The following SREK1 variants were observed in gnomAD, a reference collection of about 807,000 sequenced individuals.
The protein encoded by SREK1 is splicing regulatory glutamine/lysine-rich protein 1.
SREK1 carries 13 observed loss-of-function variants against 66.5 expected under a neutral mutation model. That is an observed-to-expected ratio of 0.20 (90% CI 0.13 to 0.31). The LOEUF (loss-of-function observed/expected upper bound fraction) is 0.31. Among genes scored for constraint, SREK1 ranks in the 10% least tolerant of loss-of-function variants. SREK1 has a pLI of 1.00. For synonymous variants in SREK1, 265 were observed against 263.5 expected, an observed-to-expected ratio of 1.01 and a Z score of -0.05; for missense variants, 607 against 769.6, an observed-to-expected ratio of 0.79 and a Z score of 2.50.
intron 1 of SREK1, chr5:66,144,899 C>A: frequency 1.0e-6 from 1 of 1,004,012 alleles, no homozygotes; most frequent in East Asian, 1.0e-4. Flanking sequence ...GCAAACGTCT[C>A]AGAGCGTTTT....
chr5:66,164,028 CAAG>C (rs1248322613), intron 6 of SREK1, 106 bp downstream of exon 6: 2 of 1,353,110 alleles, frequency 1.5e-6, no homozygotes, highest in Admixed American at 4.7e-5. Flanking sequence ...ATTTTACAAA[CAAG>C]AAGACTGAAA....
At chr5:66,165,055 T>C in intron 7 of SREK1, 158 bp downstream of exon 7, 1 of 582,758 alleles carries the variant, frequency 1.7e-6, no homozygotes, top group Non-Finnish European at 2.8e-6. Context: ...TGTAATACTG[T>C]AGTTGAGAAT....
At chr5:66,169,616 C>T (rs1217913162) in intron 7 of SREK1, 1 of 152,150 alleles carries the variant, frequency 6.6e-6, no homozygotes, top group African/African-American at 2.4e-5. Context: ...TTTTTATTTT[C>T]CTGTCACAGT....
rs886689215 is a variant in SREK1 at position 66,144,351 on chromosome 5, G to T, written c.-26G>T. ...TGACGCGTCGTAGACGTTGGGGAGCGGGAAGGCAACGGCAGCGGGATCGGG... is the reference window on the plus strand; with the variant it reads ...TGACGCGTCGTAGACGTTGGGGAGCTGGAAGGCAACGGCAGCGGGATCGGG... On this transcript the variant is annotated 5_prime_UTR_variant, in exon 1 of 12. Coordinates refer to ENST00000334121, the MANE Select transcript of SREK1 (RefSeq NM_001077199.3). 1.4e-5 allele frequency: 21 copies of T among 1,513,370 alleles called. No homozygotes were observed. The highest frequency in any genetic ancestry group is 1.8e-5 in the Non-Finnish European group (20 of 1,119,380). 93.7% of individuals were successfully genotyped at this position (1,513,370 alleles called of 1,614,324 possible).
In SREK1 at chr5:66,179,032, GA is replaced by G; in HGVS notation, c.*168del. The G allele has an allele frequency of 1.5e-6, 1 of 660,624 alleles. No homozygotes were observed. Among genetic ancestry groups the G allele is most frequent in the Non-Finnish European group, 2.3e-6 (1 of 442,472 alleles). The allele number at this position is 660,624 out of a possible 1,614,324, so 40.9% of individuals were successfully genotyped here. A position where few individuals can be genotyped will look rare whatever the true frequency, so the allele number is the denominator to read the frequency against. ...TTGTGGCCATCTTGTTATTGAGTAA[GA>G]AAATAAAGCATGGACATCATGAAAA... On this transcript the variant is annotated 3_prime_UTR_variant, in exon 12 of 12. Transcript: ENST00000334121.
intron 9 of SREK1, among the ~76,000 whole-genome samples, chr5:66,172,708 T>G (rs1580672048): frequency 1.3e-5 from 2 of 152,224 alleles, no homozygotes; most frequent in African/African-American, 4.8e-5. Flanking sequence ...AATACATTCT[T>G]CAGTAACAAC....
At chr5:66,145,295 C>T (rs973880195) in intron 1 of SREK1, 86 of 416,488 alleles carry the variant, frequency 2.1e-4, no homozygotes, top group African/African-American at 1.7e-3. Flanking sequence ...GGTAAAATTT[C>T]CCTCGTACGA....
intron 1 of SREK1, among the ~76,000 whole-genome samples, chr5:66,151,620 G>A (rs1743816829): frequency 1.3e-5 from 2 of 152,130 alleles, no homozygotes; most frequent in African/African-American, 4.8e-5. Flanking sequence ...GTACCTGGGA[G>A]TCTAGAGCTC....
chr5:66,154,392 T>C (rs1300086490), intron 2 of SREK1, among the ~76,000 whole-genome samples: 1 of 152,228 alleles, frequency 6.6e-6, no homozygotes, highest in Non-Finnish European at 1.5e-5. Flanking sequence ...TTCAGAGCAC[T>C]GACTAGCATG....
intron 1 of SREK1, among the ~76,000 whole-genome samples, chr5:66,151,613 C>T (rs989927767): frequency 7.9e-5 from 12 of 152,074 alleles, no homozygotes; most frequent in Admixed American, 5.9e-4. Context: ...GGCACTTGTA[C>T]CTGGGAGTCT....
At chr5:66,146,617 A>G (rs954243900) in intron 1 of SREK1, among the ~76,000 whole-genome samples, 2 of 151,880 alleles carry the variant, frequency 1.3e-5, no homozygotes, top group Non-Finnish European at 2.9e-5. Flanking sequence ...TCCCTCATTC[A>G]TGTTTTGCAG....
intron 1 of SREK1, among the ~76,000 whole-genome samples, chr5:66,152,891 T>TA (rs1743963032): frequency 6.6e-6 from 1 of 152,204 alleles, no homozygotes; most frequent in Non-Finnish European, 1.5e-5. Context: ...GTAGGACCAG[T>TA]TAGAGTCTTT....
chr5:66,181,229 CTT>C lies in SREK1; in HGVS notation c.*2369_*2370del, dbSNP rs1042364979. 6.6e-6 allele frequency: 1 copy of C among 151,316 alleles called. No individual in the cohort carries two copies. Among genetic ancestry groups the C allele is most frequent in the Admixed American group, 6.6e-5 (1 of 15,174 alleles). 9.4% of individuals were successfully genotyped at this position (151,316 alleles called of 1,614,324 possible). ...AAATCAGATTGTTATTAGGGTTTGA[CTT>C]TTTTTTTACATGGGCTTATGGAAGC... On this transcript the variant is annotated 3_prime_UTR_variant, in exon 12 of 12. Coordinates refer to ENST00000334121, the MANE Select transcript of SREK1 (RefSeq NM_001077199.3).
intron 2 of SREK1, 46 bp downstream of exon 2, chr5:66,153,642 C>T: frequency 1.2e-6 from 2 of 1,612,158 alleles, no homozygotes; most frequent in Non-Finnish European, 1.7e-6. Flanking sequence ...TCTGTCCTGT[C>T]TGTTATTGCC....
chr5:66,162,672 CTTTTT>C (rs1580649207), intron 5 of SREK1, 80 bp downstream of exon 5: 1 of 1,365,784 alleles, frequency 7.3e-7, no homozygotes, highest in East Asian at 2.4e-5. Context: ...CTTTTTTTTT[CTTTTT>C]AATAGTAATT....
Position 66,164,816 on chromosome 5 carries a change from G to T in SREK1, c.920G>T (p.Arg307Leu). ...AAGAGCAATGAAAGAAAAGGCGGTC[G>T]ATCTCGTTCCCATACTCGCTCAAAA... ...SGKSNERKGG[R>L]SRSHTRSKSR... The change falls in exon 7 of 12, where the codon CGA (arginine) becomes CTA (leucine). Residue 307 changes from arginine to leucine, a missense_variant. Arg to Leu is a moderately radical substitution (Grantham distance 102). This residue lies in a region of SREK1 where 112 missense variants were observed against 168.6 expected (regional missense o/e 0.66). Transcript: ENST00000334121. 6.2e-7 allele frequency: 1 copy of T among 1,614,014 alleles called. No individual in the cohort carries two copies. The highest frequency in any genetic ancestry group is 8.5e-7 in the Non-Finnish European group (1 of 1,179,926).
chr5:66,151,667 G>A (rs902833191), intron 1 of SREK1, among the ~76,000 whole-genome samples: 1 of 152,082 alleles, frequency 6.6e-6, no homozygotes, highest in African/African-American at 2.4e-5. Context: ...TCATGTAAAG[G>A]TGGTGAGTTA....
intron 8 of SREK1, 28 bp from the exon 9 acceptor site, chr5:66,170,557 A>G: frequency 6.4e-7 from 1 of 1,571,422 alleles, no homozygotes; most frequent in Non-Finnish European, 8.6e-7. Flanking sequence ...TATTTTAGTT[A>G]TGAATTTATT....
chr5:66,173,921 G>A (rs938455899), intron 9 of SREK1, among the ~76,000 whole-genome samples: 1 of 152,310 alleles, frequency 6.6e-6, no homozygotes, highest in Non-Finnish European at 1.5e-5. Context: ...GGTAGAGGTA[G>A]AATTGAGTTG....
Sources: allele counts gnomAD v4.1 joint callset (sites outside exome capture counted in the v4.1 genomes callset), GRCh38; gene constraint gnomAD v4.1.1; regional missense constraint gnomAD v4.1.1; transcripts MANE v1.5; gene names NCBI Gene and HGNC (gene_info 2026-07-23, HGNC 2026-07-21).